Variants in PGCKA1 observed in about 807,000 individuals in gnomAD.
The protein encoded by PGCKA1 is PDCD10 and GCKIII kinases-associated protein 1.
the PGCKA1 span, among the ~76,000 whole-genome samples, chr4:37,527,265 A>T: frequency 6.6e-6 from 1 of 152,234 alleles, no homozygotes; most frequent in Non-Finnish European, 1.5e-5. Flanking sequence ...AGTTACAGTC[A>T]GCTAAGGTTA....
chr4:37,486,080 A>G, the PGCKA1 span, among the ~76,000 whole-genome samples: 3 of 152,316 alleles, frequency 2.0e-5, no homozygotes, highest in South Asian at 2.1e-4. Flanking sequence ...ATTTTTTCCT[A>G]GTAGATATTT....
At chr4:37,590,132 A>G in the PGCKA1 span, 2 of 1,614,186 alleles carry the variant, frequency 1.2e-6, no homozygotes, top group Non-Finnish European at 1.7e-6. Context: ...GGCTATGTCA[A>G]TGAAGTCAAC....
chr4:37,571,565 T>C, the PGCKA1 span, among the ~76,000 whole-genome samples: 4 of 150,312 alleles, frequency 2.7e-5, no homozygotes, highest in African/African-American at 9.8e-5. Context: ...TGAGACAGAG[T>C]CTCGCTCTGT....
chr4:37,470,551 A>G, the PGCKA1 span, among the ~76,000 whole-genome samples: 1 of 152,226 alleles, frequency 6.6e-6, no homozygotes, highest in Non-Finnish European at 1.5e-5. Flanking sequence ...TTCTTATTAA[A>G]TACTTGCAAA....
the PGCKA1 span, among the ~76,000 whole-genome samples, chr4:37,474,714 T>G: frequency 0.52 from 78,766 of 151,944 alleles, 20,761 homozygotes; most frequent in Admixed American, 0.57. Flanking sequence ...CTCAGAGAAG[T>G]TAAGTCATTC....
chr4:37,500,718 G>T, the PGCKA1 span, among the ~76,000 whole-genome samples: 1 of 152,164 alleles, frequency 6.6e-6, no homozygotes, highest in Non-Finnish European at 1.5e-5. Context: ...TGTCAGTGGG[G>T]TATTGAAGTC....
At chr4:37,539,826 A>G in the PGCKA1 span, among the ~76,000 whole-genome samples, 1 of 152,210 alleles carries the variant, frequency 6.6e-6, no homozygotes, top group Admixed American at 6.5e-5. Flanking sequence ...GTGTATTTTC[A>G]TGGAAAAGGC....
the PGCKA1 span, among the ~76,000 whole-genome samples, chr4:37,517,319 A>AAATAT: frequency 6.8e-6 from 1 of 147,136 alleles, no homozygotes; most frequent in Non-Finnish European, 1.5e-5. Flanking sequence ...ATATATATAT[A>AAATAT]GAGAGAGAGA....
the PGCKA1 span, among the ~76,000 whole-genome samples, chr4:37,485,917 A>G: frequency 6.6e-6 from 1 of 152,170 alleles, no homozygotes; most frequent in African/African-American, 2.4e-5. Flanking sequence ...ATGGGTTATT[A>G]CAGCTAGTCT....
the PGCKA1 span, among the ~76,000 whole-genome samples, chr4:37,473,083 G>A: frequency 0.23 from 34,553 of 152,016 alleles, 4,807 homozygotes; most frequent in Non-Finnish European, 0.31. Context: ...TAGAGTGTCC[G>A]TTCAAGTATA....
the PGCKA1 span, among the ~76,000 whole-genome samples, chr4:37,534,223 T>C: frequency 6.6e-6 from 1 of 152,224 alleles, no homozygotes; most frequent in Non-Finnish European, 1.5e-5. Context: ...GCTGATACTT[T>C]TCCTGAAAGA....
chr4:37,592,287 T>G, the PGCKA1 span, among the ~76,000 whole-genome samples: 1 of 131,878 alleles, frequency 7.6e-6, no homozygotes, highest in Non-Finnish European at 1.6e-5. Context: ...AAGGCTGAGG[T>G]GAGAGGATTG....
chr4:37,493,013 T>C, the PGCKA1 span, among the ~76,000 whole-genome samples: 1 of 152,154 alleles, frequency 6.6e-6, no homozygotes, highest in African/African-American at 2.4e-5. Context: ...GTTATTGATA[T>C]GTGTGTGTGT....
the PGCKA1 span, among the ~76,000 whole-genome samples, chr4:37,535,569 G>A: frequency 7.2e-5 from 11 of 152,152 alleles, no homozygotes; most frequent in Non-Finnish European, 1.5e-4. Flanking sequence ...CCTCTACCTG[G>A]ATTTCTGTTC....
chr4:37,466,041 A>C, the PGCKA1 span, among the ~76,000 whole-genome samples: 1 of 150,862 alleles, frequency 6.6e-6, no homozygotes. Context: ...CTGTAATCAC[A>C]TTGTTGATGC....
chr4:37,477,887 A>G, the PGCKA1 span, among the ~76,000 whole-genome samples: 1 of 152,182 alleles, frequency 6.6e-6, no homozygotes, highest in Non-Finnish European at 1.5e-5. Context: ...TAAATTAAAG[A>G]CATAAATTAT....
chr4:37,469,246 C>T, the PGCKA1 span, among the ~76,000 whole-genome samples: 1 of 152,178 alleles, frequency 6.6e-6, no homozygotes, highest in African/African-American at 2.4e-5. Flanking sequence ...TTTCTTGGAA[C>T]ATATTCCCAT....
the PGCKA1 span, among the ~76,000 whole-genome samples, chr4:37,529,371 T>C: frequency 6.6e-6 from 1 of 152,206 alleles, no homozygotes; most frequent in Non-Finnish European, 1.5e-5. Context: ...TTGTATTTTC[T>C]CCCCAATCAT....
the PGCKA1 span, among the ~76,000 whole-genome samples, chr4:37,540,195 GTATT>G: frequency 6.6e-6 from 1 of 152,154 alleles, no homozygotes; most frequent in African/African-American, 2.4e-5. Flanking sequence ...GCACTTATAT[GTATT>G]TGTGCATGCG....
Sources: allele counts gnomAD v4.1 joint callset (sites outside exome capture counted in the v4.1 genomes callset), GRCh38; gene constraint gnomAD v4.1.1; transcripts MANE v1.5; gene names NCBI Gene and HGNC (gene_info 2026-07-23, HGNC 2026-07-21).